Variants in SLC40A1 observed in about 807,000 individuals in gnomAD.
The protein encoded by SLC40A1 is solute carrier family 40 member 1.
A neutral mutation model predicts 53.5 loss-of-function variants in SLC40A1; 16 were observed. That is an observed-to-expected ratio of 0.30 (90% CI 0.20 to 0.45). SLC40A1 has a LOEUF of 0.45. Ranked by LOEUF, SLC40A1 falls within the 20% of genes least tolerant of loss-of-function variation. The probability of loss-of-function intolerance (pLI) is 1.00; values close to 1 mark genes in which losing one functional copy is unlikely to be tolerated. For missense variants in SLC40A1, 545 were observed against 695.4 expected, an observed-to-expected ratio of 0.78 and a Z score of 2.43; for synonymous variants, 247 against 253.2, an observed-to-expected ratio of 0.98 and a Z score of 0.23.
At chr2:189,573,599 TC>T (rs1356183187) in intron 3 of SLC40A1, among the ~76,000 whole-genome samples, 3 of 152,210 alleles carry the variant, frequency 2.0e-5, no homozygotes, top group Non-Finnish European at 2.9e-5. Context: ...TAGCCTTTTC[TC>T]TGCCACTCAG....
At chr2:189,571,253 A>G (rs1306639328) in intron 5 of SLC40A1, among the ~76,000 whole-genome samples, 1 of 152,168 alleles carries the variant, frequency 6.6e-6, no homozygotes, top group Non-Finnish European at 1.5e-5. Context: ...ATTATAGATT[A>G]TAACTTTAAG....
At chr2:189,563,455 T>C in intron 7 of SLC40A1, 129 bp downstream of exon 7, 1 of 721,878 alleles carries the variant, frequency 1.4e-6, no homozygotes, top group Non-Finnish European at 2.2e-6. Flanking sequence ...AAAATAAAAA[T>C]TTCGTAAGAG....
intron 5 of SLC40A1, among the ~76,000 whole-genome samples, chr2:189,570,816 G>C (rs2031103109): frequency 6.6e-6 from 1 of 152,084 alleles, no homozygotes; most frequent in Non-Finnish European, 1.5e-5. Flanking sequence ...TCTGTATCCT[G>C]GGATATGCCA....
Position 189,575,269 on chromosome 2 carries a change from C to T in SLC40A1, c.163G>A (p.Gly55Arg). ...ACTGCTGTCAAAAGGAGGCTGTTTCCATAGAGCTCTACCAGAAACACAGAC... is the reference window on the plus strand; with the variant it reads ...ACTGCTGTCAAAAGGAGGCTGTTTCTATAGAGCTCTACCAGAAACACAGAC... ...AVSVFLVELY[G>R]NSLLLTAVYG... Residue 55 changes from glycine (G) to arginine (R), a missense_variant, in exon 3 of 8, where the codon GGA (glycine) becomes AGA (arginine). By Grantham distance (125) the Gly-to-Arg change is moderately radical. Transcript: ENST00000261024. 1 of 1,614,112 alleles carries T rather than the reference C, an allele frequency of 6.2e-7. No individual in the cohort carries two copies. Among genetic ancestry groups the T allele is most frequent in the Non-Finnish European group, 8.5e-7 (1 of 1,179,972 alleles).
chr2:189,573,312 C>T (rs1481043372), intron 3 of SLC40A1, among the ~76,000 whole-genome samples: 1 of 152,148 alleles, frequency 6.6e-6, no homozygotes, highest in Admixed American at 6.5e-5. Flanking sequence ...CTCTTTGTTG[C>T]TTAAGGTAAA....
At chr2:189,575,604 A>G (rs2031264828) in intron 2 of SLC40A1, among the ~76,000 whole-genome samples, 1 of 152,236 alleles carries the variant, frequency 6.6e-6, no homozygotes, top group Non-Finnish European at 1.5e-5. Flanking sequence ...TTCCAGACCC[A>G]AGATGGCTTT....
At chr2:189,578,527 C>G (rs2031363750) in intron 2 of SLC40A1, 1 of 209,504 alleles carries the variant, frequency 4.8e-6, no homozygotes, top group African/African-American at 2.4e-5. Flanking sequence ...GAGGCATCTT[C>G]TTCCTCTAAG....
At chr2:189,573,343 A>G (rs1032864551) in intron 3 of SLC40A1, among the ~76,000 whole-genome samples, 1 of 152,250 alleles carries the variant, frequency 6.6e-6, no homozygotes, top group African/African-American at 2.4e-5. Context: ...GTATGAGGTT[A>G]AAGAGGAAGT....
chr2:189,565,347 A>C lies in SLC40A1; in HGVS notation c.760+7T>G, dbSNP rs575885956. 3 of 1,614,218 alleles carry C rather than the reference A, an allele frequency of 1.9e-6. No individual in the cohort carries two copies. Among genetic ancestry groups the C allele is most frequent in the African/African-American group, 1.3e-5 (1 of 75,076 alleles). ...AACAAAAGGAGAGATCATTGTGTTC[A>C]GTTTACCTTTGTGTAAATTCAGCTG... On this transcript the variant is annotated splice_region_variant and intron_variant, in intron 6 of 7. Coordinates refer to ENST00000261024, the MANE Select transcript of SLC40A1 (RefSeq NM_014585.6).
chr2:189,564,991 A>G (rs1361305170), intron 6 of SLC40A1, among the ~76,000 whole-genome samples: 4 of 152,178 alleles, frequency 2.6e-5, no homozygotes, highest in Non-Finnish European at 2.9e-5. Flanking sequence ...AAATGACTAC[A>G]TAACTCCCTC....
rs759704180 is a variant in SLC40A1, at chr2:189,563,624, A to C, written c.1362T>G (p.Ser454=). ...TGACGCCTGCAAACAGCAGACTGAC[A>C]GAGATTATGGGCACAGATTCAGGAC... ...ETSPESVPII[S]VSLLFAGVIA... is the part of the protein sequence containing the mutation. The change falls in exon 7 of 8, where the codon TCT becomes TCG. Residue 454 remains serine (S), a synonymous_variant. Coordinates refer to ENST00000261024, the MANE Select transcript of SLC40A1 (RefSeq NM_014585.6). 1 of 1,614,166 alleles carries C rather than the reference A, an allele frequency of 6.2e-7. No homozygotes were observed. The highest frequency in any genetic ancestry group is 1.3e-5 in the African/African-American group (1 of 75,054).
chr2:189,577,928 C>T (rs1194758107), intron 2 of SLC40A1, among the ~76,000 whole-genome samples: 4 of 152,114 alleles, frequency 2.6e-5, no homozygotes, highest in Non-Finnish European at 5.9e-5. Flanking sequence ...ACTTCTTACA[C>T]TATATTGTAT....
Position 189,564,087 on chromosome 2 carries a change from A to G in SLC40A1, c.899T>C (p.Val300Ala). 1 of 1,610,934 alleles carries G rather than the reference A, an allele frequency of 6.2e-7. No homozygotes were observed. Among genetic ancestry groups the G allele is most frequent in the Non-Finnish European group, 8.5e-7 (1 of 1,177,866 alleles). Residue 300 changes from valine to alanine, a missense_variant, in exon 7 of 8, where the codon GTC becomes GCC. Val to Ala is a moderately conservative substitution (Grantham distance 64). Transcript: ENST00000261024. ...AAACACAGGCTGGTTGTAGTAGGAGACCCATCCATCTCGGAAGGTACGGAA... is the reference window on the plus strand; with the variant it reads ...AAACACAGGCTGGTTGTAGTAGGAGGCCCATCCATCTCGGAAGGTACGGAA... ...EPFRTFRDGW[V>A]SYYNQPVFLA... is the part of the protein sequence containing the mutation.
At chr2:189,572,104 A>G (rs2031150365) in intron 4 of SLC40A1, among the ~76,000 whole-genome samples, 1 of 152,226 alleles carries the variant, frequency 6.6e-6, no homozygotes. Context: ...GAATACAGTT[A>G]TAAAATGTTA....
intron 5 of SLC40A1, among the ~76,000 whole-genome samples, chr2:189,569,067 C>T (rs998202351): frequency 3.9e-5 from 6 of 152,228 alleles, no homozygotes; most frequent in African/African-American, 1.4e-4. Context: ...AAATAAAACA[C>T]CTTTTCTGGA....
intron 7 of SLC40A1, 64 bp downstream of exon 7, chr2:189,563,520 T>C (rs1159036688): frequency 7.6e-6 from 11 of 1,442,522 alleles, no homozygotes; most frequent in Non-Finnish European, 1.0e-5. Flanking sequence ...TATTAATGGA[T>C]TCTCTGAACC....
At chr2:189,564,438 A>C (rs921902251) in intron 6 of SLC40A1, among the ~76,000 whole-genome samples, 4 of 152,008 alleles carry the variant, frequency 2.6e-5, no homozygotes, top group African/African-American at 9.7e-5. Context: ...AATACTATTG[A>C]TCTATCCCTC....
At position 189,573,098 on chromosome 2, in the gene SLC40A1, G is replaced by T. The variant is rs1250061146; in HGVS notation, c.272-137C>A. On this transcript the variant is annotated intron_variant, in intron 3 of 7. Coordinates refer to ENST00000261024, the MANE Select transcript of SLC40A1 (RefSeq NM_014585.6). Reference sequence around the variant, plus strand: ...TACCAGATAAAAAGAAAACCTTTCTGAAGTCAGTCCTGCCTCAACTACTCT... The same window carrying T: ...TACCAGATAAAAAGAAAACCTTTCTTAAGTCAGTCCTGCCTCAACTACTCT... 12 of 731,586 alleles carry T rather than the reference G, an allele frequency of 1.6e-5. No homozygotes were observed. The Admixed American group carries it at 2.4e-4, about 15-fold the overall frequency. The allele number at this position is 731,586 out of a possible 1,614,324, so 45.3% of individuals were successfully genotyped here. A position where few individuals can be genotyped will look rare whatever the true frequency, so the allele number is the denominator to read the frequency against.
intron 5 of SLC40A1, 128 bp downstream of exon 5, chr2:189,571,587 A>G (rs2031126646): frequency 6.9e-7 from 1 of 1,448,556 alleles, no homozygotes; most frequent in Non-Finnish European, 9.4e-7. Context: ...GAAAAAAAGT[A>G]TGCTTTCAAT....
Sources: gnomAD v4.1 joint callset for allele counts (sites outside exome capture counted in the v4.1 genomes callset) on GRCh38, gnomAD v4.1.1 for gene constraint, MANE v1.5 for transcripts, NCBI Gene and HGNC (gene_info 2026-07-23, HGNC 2026-07-21) for gene names.